The following FREM1 variants were observed in gnomAD, a reference collection of about 807,000 sequenced individuals.
The protein encoded by FREM1 is FRAS1 related extracellular matrix 1.
A neutral mutation model predicts 210.1 loss-of-function variants in FREM1; 220 were observed. The observed-to-expected ratio is 1.05, with a 90% CI of 0.94 to 1.17. The LOEUF (loss-of-function observed/expected upper bound fraction) is 1.17. Ranked by LOEUF, FREM1 falls within the 50% of genes most tolerant of loss-of-function variation. FREM1 has a pLI of 0.00. For missense variants in FREM1, 3,454 were observed against 2,675.5 expected, an observed-to-expected ratio of 1.29 and a Z score of -6.42; for synonymous variants, 1,189 against 980.2, an observed-to-expected ratio of 1.21 and a Z score of -3.98.
intron 22 of FREM1, among the ~76,000 whole-genome samples, chr9:14,791,414 A>G (rs1171769503): frequency 6.6e-6 from 1 of 152,214 alleles, no homozygotes; most frequent in Non-Finnish European, 1.5e-5. Flanking sequence ...ATACAATTCC[A>G]GGAATGTTAA....
intron 25 of FREM1, among the ~76,000 whole-genome samples, chr9:14,772,086 T>A (rs943251208): frequency 2.0e-5 from 3 of 151,828 alleles, no homozygotes; most frequent in African/African-American, 7.3e-5. Flanking sequence ...CATTTTTTCC[T>A]CTCAAATTGG....
In FREM1 at chr9:14,747,061, G is replaced by A; in HGVS notation, c.6010-10C>T. The A allele has an allele frequency of 6.2e-7, 1 of 1,612,932 alleles. No homozygotes were observed. The highest frequency in any genetic ancestry group is 1.7e-4 in the Middle Eastern group (1 of 6,058). ...ATGAGGGCAACTGGTCCTTTGGGAA[G>A]GAAAGGCAATTTAGCAATTTAGAAT... On this transcript the variant is annotated splice_polypyrimidine_tract_variant and intron_variant, in intron 33 of 36. Transcript: ENST00000380880.
chr9:14,797,653 G>T lies in FREM1; in HGVS notation c.3695-11C>A. 1 of 1,595,042 alleles carries T rather than the reference G, an allele frequency of 6.3e-7. No individual in the cohort carries two copies. ...ACGTCAACCTCATTCCTGGAAGAAG[G>T]AAAAAAAATAAGTAAATCTTCCTTA... On this transcript the variant is annotated splice_polypyrimidine_tract_variant and intron_variant, in intron 20 of 36. Coordinates refer to ENST00000380880, the MANE Select transcript of FREM1 (RefSeq NM_001379081.2).
chr9:14,750,601 G>A (rs903314), intron 29 of FREM1, among the ~76,000 whole-genome samples: 54,544 of 152,072 alleles, frequency 0.36, 9,959 homozygotes, highest in Admixed American at 0.43. Flanking sequence ...CTTCTGAAGA[G>A]TAAACAAGTA....
intron 3 of FREM1, among the ~76,000 whole-genome samples, chr9:14,861,328 T>C (rs10961758): frequency 0.017 from 1,462 of 86,790 alleles, 154 homozygotes; most frequent in East Asian, 0.12. Flanking sequence ...TACACATATA[T>C]ACATATATAC....
chr9:14,834,482 G>T (rs12553911), intron 10 of FREM1, among the ~76,000 whole-genome samples: 1 of 152,058 alleles, frequency 6.6e-6, no homozygotes, highest in Non-Finnish European at 1.5e-5. Flanking sequence ...TAATCTATAA[G>T]GTTTCACTTG....
At chr9:14,775,590 C>T (rs1848407144) in intron 25 of FREM1, among the ~76,000 whole-genome samples, 199 bp downstream of exon 25, 1 of 151,478 alleles carries the variant, frequency 6.6e-6, no homozygotes, top group Non-Finnish European at 1.5e-5. Flanking sequence ...TGACTATAGG[C>T]CCAGCTACTC....
At chr9:14,848,080 T>G (rs929722717) in intron 7 of FREM1, among the ~76,000 whole-genome samples, 120 of 152,324 alleles carry the variant, frequency 7.9e-4, no homozygotes, top group African/African-American at 2.8e-3. Flanking sequence ...CTACCACCAC[T>G]GCTTATAAGT....
chr9:14,775,760 G>T, intron 25 of FREM1, 29 bp downstream of exon 25: 2 of 1,270,248 alleles, frequency 1.6e-6, no homozygotes, highest in Non-Finnish European at 2.3e-6. Flanking sequence ...TCACATCTCT[G>T]GCAAATGAAC....
chr9:14,817,947 A>AAGGATC (rs1238224847), intron 14 of FREM1, among the ~76,000 whole-genome samples: 4 of 152,308 alleles, frequency 2.6e-5, no homozygotes, highest in South Asian at 2.1e-4. Context: ...AAATCCCTAA[A>AAGGATC]AGGATCAAAT....
At chr9:14,801,558 T>G (rs1430212459) in intron 20 of FREM1, 94 bp downstream of exon 20, 3 of 830,396 alleles carry the variant, frequency 3.6e-6, no homozygotes, top group Non-Finnish European at 5.9e-6. Context: ...ACTCTCTGCT[T>G]ATATTAGTTT....
chr9:14,766,844 T>C (rs1251965505), intron 27 of FREM1, among the ~76,000 whole-genome samples: 1 of 152,218 alleles, frequency 6.6e-6, no homozygotes, highest in South Asian at 2.1e-4. Flanking sequence ...TTGATTAATA[T>C]GCATATTGAC....
intron 29 of FREM1, among the ~76,000 whole-genome samples, chr9:14,750,731 A>T (rs1843207147): frequency 6.6e-6 from 1 of 152,150 alleles, no homozygotes; most frequent in East Asian, 1.9e-4. Flanking sequence ...TTTCTTAATC[A>T]TTTCTAAAGA....
intron 8 of FREM1, among the ~76,000 whole-genome samples, chr9:14,843,045 G>A (rs1825959167): frequency 6.6e-6 from 1 of 152,162 alleles, no homozygotes; most frequent in Non-Finnish European, 1.5e-5. Context: ...ATTCGAATCA[G>A]CAGACTGAGA....
intron 10 of FREM1, among the ~76,000 whole-genome samples, chr9:14,839,879 T>C (rs1227757777): frequency 6.6e-6 from 1 of 152,228 alleles, no homozygotes; most frequent in Non-Finnish European, 1.5e-5. Flanking sequence ...GTTACCTTTT[T>C]GAACTATCAA....
At chr9:14,778,878 A>G (rs1219714208) in intron 24 of FREM1, among the ~76,000 whole-genome samples, 1 of 152,048 alleles carries the variant, frequency 6.6e-6, no homozygotes, top group Non-Finnish European at 1.5e-5. Context: ...GCCCATCTTA[A>G]AAAAAGAAAA....
rs140882884 is a variant in FREM1, at chr9:14,756,456, GA to G, written c.5335-11del. The G allele has an allele frequency of 3.9e-4, 599 of 1,522,534 alleles. 6 individuals carry two copies. The South Asian group carries it at 5.0e-3, about 13-fold the overall frequency. The allele number at this position is 1,522,534 out of a possible 1,614,324, so 94.3% of individuals were successfully genotyped here. A position where few individuals can be genotyped will look rare whatever the true frequency, so the allele number is the denominator to read the frequency against. ...CTGACACTTGGTTGACCTTAGGAGG[GA>G]AAAAAAAATCTTTTTAAGATAAAAA... On this transcript the variant is annotated splice_polypyrimidine_tract_variant and intron_variant, in intron 28 of 36. Coordinates refer to ENST00000380880, the MANE Select transcript of FREM1 (RefSeq NM_001379081.2).
chr9:14,823,916 T>G (rs7861952), intron 12 of FREM1, 109 bp downstream of exon 12: 1 of 530,372 alleles, frequency 1.9e-6, no homozygotes, highest in Non-Finnish European at 3.3e-6. Flanking sequence ...AGATGTCAAG[T>G]CTTTGTGGAT....
chr9:14,886,843 G>C (rs986687467), intron 1 of FREM1, among the ~76,000 whole-genome samples: 17 of 143,992 alleles, frequency 1.2e-4, no homozygotes, highest in African/African-American at 4.4e-4. Context: ...GTTGCACAGA[G>C]TGACACTGCA....
Sources: gnomAD v4.1 joint callset for allele counts (sites outside exome capture counted in the v4.1 genomes callset) on GRCh38, gnomAD v4.1.1 for gene constraint, MANE v1.5 for transcripts, NCBI Gene and HGNC (gene_info 2026-07-23, HGNC 2026-07-21) for gene names.